CLTCL1: variants seen among roughly 807,000 people sequenced by gnomAD.
CLTCL1 encodes the protein clathrin heavy chain 2.
Under a neutral mutation model 190.0 loss-of-function variants are expected in CLTCL1, and 159 were observed. That is an observed-to-expected ratio of 0.84 (90% CI 0.74 to 0.95). The LOEUF (loss-of-function observed/expected upper bound fraction) is 0.95. Among genes scored for constraint, CLTCL1 ranks in the 40% least tolerant of loss-of-function variants. The pLI is 0.00. For missense variants in CLTCL1, 1,878 were observed against 2,033.4 expected (o/e 0.92, Z 1.47); for synonymous variants, 752 against 769.6 (o/e 0.98, Z 0.38).
intron 9 of CLTCL1, 163 bp from the exon 10 acceptor site, chr22:19,232,761 T>C (rs1462658899): frequency 1.1e-6 from 1 of 905,806 alleles, no homozygotes; most frequent in African/African-American, 1.7e-5. Flanking sequence ...TCCAATTAAA[T>C]GAATTGATTT....
At chr22:19,202,252 A>G (rs2084909082) in intron 22 of CLTCL1, among the ~76,000 whole-genome samples, 1 of 152,000 alleles carries the variant, frequency 6.6e-6, no homozygotes, top group African/African-American at 2.4e-5. Context: ...TGCCCATTCC[A>G]TACCTGTGGC....
intron 24 of CLTCL1, among the ~76,000 whole-genome samples, chr22:19,199,465 G>A (rs1406347278): frequency 6.6e-6 from 1 of 152,162 alleles, no homozygotes; most frequent in Non-Finnish European, 1.5e-5. Context: ...CACTGACTGG[G>A]CTTCTGAAGG....
In CLTCL1 at chr22:19,210,529, A is replaced by G; in HGVS notation, c.3066-20T>C. 1.9e-6 allele frequency: 3 copies of G among 1,602,132 alleles called. No homozygotes were observed. The highest frequency in any genetic ancestry group is 2.6e-6 in the Non-Finnish European group (3 of 1,171,226). On this transcript the variant is annotated intron_variant, in intron 19 of 32. Transcript: ENST00000427926. ...AGATTCCTGAGGAGAGAGGGTGGTC[A>G]GCACGGCATCCCAGGAACGAAGGCT... is the stretch of plus-strand genomic sequence containing the variant.
chr22:19,209,176 C>G (rs1374369298), intron 20 of CLTCL1, 62 bp from the exon 21 acceptor site: 41 of 1,448,378 alleles, frequency 2.8e-5, no homozygotes, highest in Non-Finnish European at 3.8e-5. Flanking sequence ...AAAACAGACA[C>G]ATTTTTGTTT....
intron 3 of CLTCL1, among the ~76,000 whole-genome samples, chr22:19,250,578 A>T (rs191063105): frequency 6.6e-6 from 1 of 150,742 alleles, no homozygotes; most frequent in East Asian, 2.0e-4. Flanking sequence ...TTTTTAGACA[A>T]GGTCTCACTC....
intron 1 of CLTCL1, among the ~76,000 whole-genome samples, chr22:19,286,682 T>TC (rs2087919885): frequency 6.6e-6 from 1 of 152,120 alleles, no homozygotes; most frequent in Non-Finnish European, 1.5e-5. Context: ...AGTTTTACTT[T>TC]CCCCCCTCTT....
At chr22:19,190,073 T>C (rs1194707890) in intron 27 of CLTCL1, among the ~76,000 whole-genome samples, 1 of 152,206 alleles carries the variant, frequency 6.6e-6, no homozygotes, top group Non-Finnish European at 1.5e-5. Context: ...CCCAAGTAGC[T>C]GGGACTACAG....
At chr22:19,279,503 C>T (rs2087633427) in intron 1 of CLTCL1, among the ~76,000 whole-genome samples, 2 of 152,210 alleles carry the variant, frequency 1.3e-5, no homozygotes, top group African/African-American at 2.4e-5. Flanking sequence ...ACAACATTAT[C>T]CATCAGATTT....
At chr22:19,221,649 A>G in intron 16 of CLTCL1, 38 bp from the exon 17 acceptor site, 1 of 1,501,134 alleles carries the variant, frequency 6.7e-7, no homozygotes, top group Non-Finnish European at 9.1e-7. Context: ...TCTCAAGGCT[A>G]CCACTGGAAG....
intron 6 of CLTCL1, 129 bp from the exon 7 acceptor site, chr22:19,234,835 T>C: frequency 3.6e-6 from 3 of 828,784 alleles, no homozygotes; most frequent in Non-Finnish European, 5.8e-6. Flanking sequence ...CCTGTGATGG[T>C]GGCCCTCACA....
intron 2 of CLTCL1, among the ~76,000 whole-genome samples, chr22:19,255,229 T>C (rs534839965): frequency 4.6e-5 from 7 of 152,320 alleles, no homozygotes; most frequent in Admixed American, 4.6e-4. Flanking sequence ...AATTAATAGA[T>C]GACTACAGGA....
chr22:19,212,054 T>A (rs765723176), intron 19 of CLTCL1, among the ~76,000 whole-genome samples: 1 of 152,132 alleles, frequency 6.6e-6, no homozygotes, highest in Non-Finnish European at 1.5e-5. Flanking sequence ...AACTATAAAC[T>A]GCTGATGAAA....
At chr22:19,250,185 T>C (rs1555969409) in intron 3 of CLTCL1, among the ~76,000 whole-genome samples, 1 of 151,950 alleles carries the variant, frequency 6.6e-6, no homozygotes, top group Non-Finnish European at 1.5e-5. Flanking sequence ...ATCTGGAAGG[T>C]GGAGGTTGCA....
rs373078474 is a variant in CLTCL1, at chr22:19,191,455, G to C, written c.4192-20C>G. 21 of 1,611,354 alleles carry C rather than the reference G, an allele frequency of 1.3e-5. No individual in the cohort carries two copies. The East Asian group carries it at 2.7e-4, about 21-fold the overall frequency. On this transcript the variant is annotated intron_variant, in intron 26 of 32. Transcript: ENST00000427926. ...GGCAACCTGTGGTGAGCAAAGCTGA[G>C]GGTCAGTCCCTGCCGCTGTCTCCAG...
chr22:19,260,951 T>G (rs2086927314), intron 2 of CLTCL1, among the ~76,000 whole-genome samples: 1 of 151,936 alleles, frequency 6.6e-6, no homozygotes, highest in Non-Finnish European at 1.5e-5. Context: ...AAAGGTTCCT[T>G]TCAAAAGATT....
intron 2 of CLTCL1, among the ~76,000 whole-genome samples, chr22:19,259,848 T>C (rs1349354959): frequency 2.6e-5 from 4 of 152,182 alleles, no homozygotes; most frequent in Non-Finnish European, 2.9e-5. Flanking sequence ...TGATTAGGCT[T>C]TGTGAGGAAG....
intron 27 of CLTCL1, 85 bp from the exon 28 acceptor site, chr22:19,188,176 C>G (rs192563759): frequency 1.3e-5 from 16 of 1,219,668 alleles, no homozygotes; most frequent in Non-Finnish European, 1.6e-5. Flanking sequence ...CACGTGCGTG[C>G]CATCCACTTG....
At chr22:19,243,965 G>T (rs2086340736) in intron 3 of CLTCL1, among the ~76,000 whole-genome samples, 1 of 152,040 alleles carries the variant, frequency 6.6e-6, no homozygotes, top group Non-Finnish European at 1.5e-5. Flanking sequence ...CCAAAATGCT[G>T]GGATTACAGG....
chr22:19,225,653 T>C lies in CLTCL1; in HGVS notation c.1948-20A>G. ...AAGCCACTGGGAACAAGGAAGAGTCTGTCCACAACGATGCACCACTCTAAA... is the reference window on the plus strand; with the variant it reads ...AAGCCACTGGGAACAAGGAAGAGTCCGTCCACAACGATGCACCACTCTAAA... On this transcript the variant is annotated intron_variant, in intron 12 of 32. Coordinates refer to ENST00000427926, the MANE Select transcript of CLTCL1 (RefSeq NM_007098.4). The C allele has an allele frequency of 2.6e-6, 4 of 1,550,382 alleles. No homozygotes were observed. Among genetic ancestry groups the C allele is most frequent in the Non-Finnish European group, 3.5e-6 (4 of 1,144,302 alleles).
Sources: gnomAD v4.1 joint callset for allele counts (sites outside exome capture counted in the v4.1 genomes callset) on GRCh38, gnomAD v4.1.1 for gene constraint, MANE v1.5 for transcripts, NCBI Gene and HGNC (gene_info 2026-07-23, HGNC 2026-07-21) for gene names.